The following PLEKHM2 variants were observed in gnomAD, a reference collection of about 807,000 sequenced individuals.
The protein encoded by PLEKHM2 is pleckstrin homology and RUN domain containing M2.
In PLEKHM2, 77 loss-of-function variants were observed where a neutral mutation model predicts 116.3. The ratio of observed to expected loss-of-function variants is 0.66; its 90% CI spans 0.55 to 0.80. The LOEUF (loss-of-function observed/expected upper bound fraction) is 0.80. PLEKHM2 is among the 30% of genes least tolerant of loss of function. PLEKHM2 has a pLI of 0.00. For missense variants in PLEKHM2, 1,183 were observed against 1,354.9 expected (o/e 0.87, Z 1.99); for synonymous variants, 562 against 571.0 (o/e 0.98, Z 0.22).
In PLEKHM2 at chr1:15,708,075, G is replaced by C. The variant is rs562331088; in HGVS notation, c.61-8162G>C. On this transcript the variant is annotated intron_variant, in intron 1 of 19. Coordinates refer to ENST00000375799, the MANE Select transcript of PLEKHM2 (RefSeq NM_015164.4). ...AATTTTTGTATTTTTAGTAGAGATG[G>C]GGTTTCACTGTGTTGGCCAGGCTGG... 7.9e-5 allele frequency among the ~76,000 whole-genome samples: 12 copies of C among 152,002 alleles called. No individual in the cohort carries two copies. In the South Asian group the frequency reaches 2.3e-3, roughly 29 times the overall value.
Position 15,721,307 on chromosome 1 carries a change from GT to G in PLEKHM2, c.653-18del. 6.6e-7 allele frequency: 1 copy of G among 1,523,462 alleles called. No homozygotes were observed. Among genetic ancestry groups the G allele is most frequent in the Admixed American group, 2.0e-5 (1 of 51,042 alleles). The allele number at this position is 1,523,462 out of a possible 1,614,324, so 94.4% of individuals were successfully genotyped here. On this transcript the variant is annotated intron_variant, in intron 6 of 19. Transcript: ENST00000375799. The surrounding 1 kb of genome is among the most constrained non-coding windows in gnomAD (Gnocchi z 5.1). ...CCACTGCCTGTGTTTCTAATCTTCA[GT>G]TTTGTCCCTCGTTTTTGTAGATTAT...
rs750084635 is a variant in PLEKHM2 at position 15,727,144 on chromosome 1, C to T, written c.1072C>T (p.Pro358Ser). The change falls in exon 9 of 20, where the codon CCA becomes TCA. Residue 358 changes from proline to serine, a missense_variant. Coordinates refer to ENST00000375799, the MANE Select transcript of PLEKHM2 (RefSeq NM_015164.4). This position sits in a 1 kb window ranked among gnomAD's most constrained non-coding sequence, Gnocchi z 7.5. ...QGDGDSRNGS[P>S]SLGRDSPDTM... ...GGACGGTGACAGCCGCAACGGCAGC[C>T]CAAGCCTTGGGCGGGACTCGCCAGA... 2 of 1,596,720 alleles carry T rather than the reference C, an allele frequency of 1.3e-6. No individual in the cohort carries two copies. The highest frequency in any genetic ancestry group is 2.7e-5 in the African/African-American group (2 of 74,718).
At chr1:15,704,680 A>T (rs891930404) in intron 1 of PLEKHM2, among the ~76,000 whole-genome samples, 1 of 152,118 alleles carries the variant, frequency 6.6e-6, no homozygotes, top group South Asian at 2.1e-4. Flanking sequence ...GCCCTCCGTG[A>T]TGAGTGCCCA....
At chr1:15,707,720 C>G (rs1322074830) in intron 1 of PLEKHM2, among the ~76,000 whole-genome samples, 1 of 152,158 alleles carries the variant, frequency 6.6e-6, no homozygotes, top group Non-Finnish European at 1.5e-5. Context: ...ACTGACAAGA[C>G]ACATCCTCAC....
chr1:15,689,938 T>C (rs1290207987), intron 1 of PLEKHM2, among the ~76,000 whole-genome samples: 2 of 152,170 alleles, frequency 1.3e-5, no homozygotes, highest in Non-Finnish European at 2.9e-5. Context: ...GTATTTTTAG[T>C]AGAGACAGGG....
intron 1 of PLEKHM2, among the ~76,000 whole-genome samples, chr1:15,703,964 G>A (rs995109813): frequency 1.3e-5 from 2 of 152,170 alleles, no homozygotes; most frequent in African/African-American, 4.8e-5. Flanking sequence ...GCGTGGTCTG[G>A]GAACATGCCT....
chr1:15,718,145 G>T (rs1200773025), intron 4 of PLEKHM2, among the ~76,000 whole-genome samples, 153 bp downstream of exon 4: 1 of 152,234 alleles, frequency 6.6e-6, no homozygotes, highest in Non-Finnish European at 1.5e-5. Context: ...CCTTCACCAG[G>T]AGCACCGGTG....
intron 1 of PLEKHM2, among the ~76,000 whole-genome samples, chr1:15,703,399 C>T (rs1641158239): frequency 6.6e-6 from 1 of 152,104 alleles, no homozygotes; most frequent in South Asian, 2.1e-4. Flanking sequence ...GAAGTGTGAC[C>T]CCTGCTCCCC....
rs1233033159 is a variant in PLEKHM2 at position 15,686,648 on chromosome 1, A to ATTTTTTTTTTTT, written c.60+2037_60+2048dup. Among the ~76,000 whole-genome samples the ATTTTTTTTTTTT allele has an allele frequency of 1.2e-3, 164 of 134,196 alleles. 7 individuals are homozygous for ATTTTTTTTTTTT. Among genetic ancestry groups the ATTTTTTTTTTTT allele is most frequent in the African/African-American group, 4.7e-3 (158 of 33,662 alleles). The allele number at this position is 134,196 out of a possible 152,430, so 88.0% of individuals were successfully genotyped here. ...GGTGTGCGCCACCACACCCGGCTAA[A>ATTTTTTTTTTTT]TTTTTTTTTTTTTTTTTTGAGACGG... On this transcript the variant is annotated intron_variant, in intron 1 of 19. Coordinates refer to ENST00000375799, the MANE Select transcript of PLEKHM2 (RefSeq NM_015164.4).
intron 1 of PLEKHM2, among the ~76,000 whole-genome samples, chr1:15,698,959 AT>A (rs1641056481): frequency 6.6e-6 from 1 of 152,054 alleles, no homozygotes; most frequent in Non-Finnish European, 1.5e-5. Flanking sequence ...ATTCACTATA[AT>A]TTGATTGCCA....
chr1:15,682,181 G>A (rs1640659006), upstream of PLEKHM2, among the ~76,000 whole-genome samples: 1 of 152,142 alleles, frequency 6.6e-6, no homozygotes, highest in Non-Finnish European at 1.5e-5. Flanking sequence ...GGGTGACAGA[G>A]TGAGACCCTG....
At chr1:15,716,092 A>G in intron 1 of PLEKHM2, 145 bp from the exon 2 acceptor site, 1 of 596,880 alleles carries the variant, frequency 1.7e-6, no homozygotes, top group Non-Finnish European at 3.0e-6. Flanking sequence ...CAGCTGGGAC[A>G]GGGGTGGTTT....
intron 1 of PLEKHM2, among the ~76,000 whole-genome samples, chr1:15,712,116 C>T (rs763715360): frequency 6.8e-5 from 7 of 102,252 alleles, no homozygotes; most frequent in Non-Finnish European, 1.1e-4. Flanking sequence ...AAGATTCAGT[C>T]TCAAAAAAAA....
chr1:15,702,919 G>A (rs1244896214), intron 1 of PLEKHM2, among the ~76,000 whole-genome samples: 4 of 151,676 alleles, frequency 2.6e-5, no homozygotes, highest in Admixed American at 6.6e-5. Flanking sequence ...CTAGAAACAG[G>A]GTCTTGCTAT....
In PLEKHM2 at chr1:15,718,008, G is replaced by A. The variant is rs750407849; in HGVS notation, c.377+16G>A. On this transcript the variant is annotated intron_variant, in intron 4 of 19. Transcript: ENST00000375799. ...ACTACGTCAAGTGAGTGTCTGGGAC[G>A]GTCTGTCTCCCCTAGCCTCAGAGCT... 3.1e-5 allele frequency: 47 copies of A among 1,514,966 alleles called. No homozygotes were observed. Among genetic ancestry groups the A allele is most frequent in the Non-Finnish European group, 4.2e-5 (46 of 1,106,614 alleles). 93.8% of individuals were successfully genotyped at this position (1,514,966 alleles called of 1,614,324 possible).
chr1:15,731,111 G>C (rs2148379029), intron 15 of PLEKHM2, 81 bp from the exon 16 acceptor site: 2 of 1,012,368 alleles, frequency 2.0e-6, no homozygotes, highest in South Asian at 1.4e-5. Flanking sequence ...ATGTGCGTGG[G>C]AGGGGAACCC....
In PLEKHM2 at chr1:15,734,125, G is replaced by A; in HGVS notation, c.*191G>A. 2 of 629,756 alleles carry A rather than the reference G, an allele frequency of 3.2e-6. No homozygotes were observed. The highest frequency in any genetic ancestry group is 3.3e-5 in the Admixed American group (1 of 30,002). The allele number at this position is 629,756 out of a possible 1,614,324, so 39.0% of individuals were successfully genotyped here. A position where few individuals can be genotyped will look rare whatever the true frequency, so the allele number is the denominator to read the frequency against. Reference sequence around the variant, plus strand: ...TCCAGATCAGGTGCCCGGCACCCCTGGGCATCCTGCCCGACAGGTAGCGAA... The same window carrying A: ...TCCAGATCAGGTGCCCGGCACCCCTAGGCATCCTGCCCGACAGGTAGCGAA... On this transcript the variant is annotated 3_prime_UTR_variant, in exon 20 of 20. Coordinates refer to ENST00000375799, the MANE Select transcript of PLEKHM2 (RefSeq NM_015164.4).
chr1:15,720,089 G>A (rs762419734), intron 6 of PLEKHM2, among the ~76,000 whole-genome samples, 169 bp downstream of exon 6: 1 of 149,112 alleles, frequency 6.7e-6, no homozygotes, highest in African/African-American at 2.5e-5. Flanking sequence ...GAGTCCCTGT[G>A]GTGGCTAAAA....
At position 15,718,590 on chromosome 1, in the gene PLEKHM2, T is replaced by G. The variant is rs1345762252; in HGVS notation, c.430T>G (p.Ser144Ala). 6 of 1,556,320 alleles carry G rather than the reference T, an allele frequency of 3.9e-6. No individual in the cohort carries two copies. The East Asian group carries it at 1.5e-4, about 38-fold the overall frequency. The change falls in exon 5 of 20, where the codon TCC (serine) becomes GCC (alanine). Residue 144 changes from serine to alanine, a missense_variant. This residue lies in a region of PLEKHM2 where 217 missense variants were observed against 277.6 expected (regional missense o/e 0.78). Coordinates refer to ENST00000375799, the MANE Select transcript of PLEKHM2 (RefSeq NM_015164.4). Reference protein sequence around the residue: ...DHLTLFLTLVSGLEFIRFELD... With the variant: ...DHLTLFLTLVAGLEFIRFELD... ...CCTGACGCTCTTCCTGACCTTGGTG[T>G]CCGGGCTAGAGTTCATTCGTTTCGA...
Sources: allele counts gnomAD v4.1 joint callset (sites outside exome capture counted in the v4.1 genomes callset), GRCh38; gene constraint gnomAD v4.1.1; regional missense constraint gnomAD v4.1.1; non-coding constraint Gnocchi (gnomAD v3.1); transcripts MANE v1.5; gene names NCBI Gene and HGNC (gene_info 2026-07-23, HGNC 2026-07-21).